CSMD1: variants seen among roughly 807,000 people sequenced by gnomAD.
CSMD1 encodes CUB and Sushi multiple domains 1, also known as CUB and sushi domain-containing protein 1.
A neutral mutation model predicts 417.5 loss-of-function variants in CSMD1; 213 were observed. That is an observed-to-expected ratio of 0.51 (90% CI 0.46 to 0.57). The LOEUF is 0.57. Among genes scored for constraint, CSMD1 ranks in the 20% least tolerant of loss-of-function variants. The probability of loss-of-function intolerance (pLI) is 0.00; values close to 1 mark genes in which losing one functional copy is unlikely to be tolerated. For missense variants in CSMD1, 6,923 were observed against 4,529.7 expected, an observed-to-expected ratio of 1.53 and a Z score of -15.17; for synonymous variants, 2,862 against 1,736.8, an observed-to-expected ratio of 1.65 and a Z score of -16.11.
At chr8:3,653,860 C>A (rs956993789) in intron 7 of CSMD1, among the ~76,000 whole-genome samples, 1 of 152,112 alleles carries the variant, frequency 6.6e-6, no homozygotes, top group African/African-American at 2.4e-5. Flanking sequence ...CATTTACATT[C>A]CCAGAAATGA....
intron 2 of CSMD1, among the ~76,000 whole-genome samples, chr8:4,507,234 T>C (rs1043673619): frequency 1.3e-5 from 2 of 152,212 alleles, no homozygotes; most frequent in Non-Finnish European, 2.9e-5. Flanking sequence ...TAGATACCCA[T>C]GCAAAAGTTA....
chr8:3,256,701 T>C (rs1473958464), intron 26 of CSMD1, among the ~76,000 whole-genome samples: 1 of 152,230 alleles, frequency 6.6e-6, no homozygotes, highest in Non-Finnish European at 1.5e-5. Flanking sequence ...CATATGCCTG[T>C]CAACACCCAG....
chr8:3,027,485 T>C (rs554548243), intron 51 of CSMD1, among the ~76,000 whole-genome samples: 4 of 152,214 alleles, frequency 2.6e-5, no homozygotes, highest in African/African-American at 7.2e-5. Flanking sequence ...CAACCTGAGC[T>C]ACAGATATTA....
At chr8:3,698,683 C>A (rs1461597787) in intron 7 of CSMD1, among the ~76,000 whole-genome samples, 1 of 152,090 alleles carries the variant, frequency 6.6e-6, no homozygotes, top group Admixed American at 6.6e-5. Flanking sequence ...GCCTGGTATT[C>A]CTTAATAATA....
At chr8:4,271,973 C>A (rs1335061026) in intron 3 of CSMD1, among the ~76,000 whole-genome samples, 1 of 152,068 alleles carries the variant, frequency 6.6e-6, no homozygotes, top group Non-Finnish European at 1.5e-5. Context: ...GTCAGCCCTC[C>A]CTATATAGAT....
At chr8:3,398,760 A>G (rs1041968980) in intron 16 of CSMD1, among the ~76,000 whole-genome samples, 1 of 152,212 alleles carries the variant, frequency 6.6e-6, no homozygotes, top group Non-Finnish European at 1.5e-5. Context: ...GTGTTGAGAG[A>G]AATGGGAAAA....
Position 3,200,068 on chromosome 8 carries a change from A to T in CSMD1, c.5099-259T>A, listed in dbSNP as rs187878762. ...TATGATTTCTTTTGAAGAAAGCACC[A>T]ATGGTAGGCCTATATAATAGAGTAG... On this transcript the variant is annotated intron_variant, in intron 32 of 69. Coordinates refer to ENST00000635120, the MANE Select transcript of CSMD1 (RefSeq NM_033225.6). Among the ~76,000 whole-genome samples the T allele has an allele frequency of 5.0e-3, 758 of 152,246 alleles. 3 individuals carry two copies. Among genetic ancestry groups the T allele is most frequent in the Non-Finnish European group, 8.6e-3 (582 of 68,012 alleles).
At chr8:3,269,548 G>A (rs1325561311) in intron 26 of CSMD1, among the ~76,000 whole-genome samples, 1 of 152,176 alleles carries the variant, frequency 6.6e-6, no homozygotes. Flanking sequence ...GTGTCATGTA[G>A]CTGTTACATT....
intron 1 of CSMD1, among the ~76,000 whole-genome samples, chr8:4,896,532 C>T (rs946717678): frequency 3.3e-5 from 5 of 152,102 alleles, no homozygotes; most frequent in African/African-American, 1.2e-4. Flanking sequence ...CTCTTTGCTT[C>T]ATGTCTTCAG....
chr8:2,985,005 T>C lies in CSMD1; in HGVS notation c.8378-6205A>G, dbSNP rs139630615. ...TGAATTTTAAGTTAACAGTTAACTC[T>C]GAACAGATACTGGAACAAATCAGAC... On this transcript the variant is annotated intron_variant, in intron 54 of 69. Coordinates refer to ENST00000635120, the MANE Select transcript of CSMD1 (RefSeq NM_033225.6). 3.7e-3 allele frequency among the ~76,000 whole-genome samples: 565 copies of C among 152,352 alleles called. 6 individuals carry two copies. The highest frequency in any genetic ancestry group is 0.013 in the African/African-American group (538 of 41,578).
intron 11 of CSMD1, among the ~76,000 whole-genome samples, chr8:3,487,637 C>CTA (rs1380762233): frequency 1.3e-5 from 2 of 152,280 alleles, no homozygotes; most frequent in Admixed American, 1.3e-4. Context: ...TAACGTTTAT[C>CTA]TACTTAGAAT....
intron 26 of CSMD1, among the ~76,000 whole-genome samples, chr8:3,243,008 A>C (rs566800342): frequency 6.6e-6 from 1 of 152,126 alleles, no homozygotes; most frequent in Admixed American, 6.6e-5. Flanking sequence ...CCAGCGCCGG[A>C]GTTTTGAGTC....
chr8:3,242,780 T>G (rs906479836), intron 26 of CSMD1, among the ~76,000 whole-genome samples: 2 of 150,568 alleles, frequency 1.3e-5, no homozygotes, highest in African/African-American at 4.9e-5. Flanking sequence ...TTTCTTACCC[T>G]CCAGACAAGC....
chr8:3,884,351 T>C (rs1806410451), intron 5 of CSMD1, among the ~76,000 whole-genome samples: 1 of 152,188 alleles, frequency 6.6e-6, no homozygotes, highest in African/African-American at 2.4e-5. Flanking sequence ...AATCAACTGA[T>C]TCCCTAGAGA....
chr8:4,933,532 G>A (rs943153958), intron 1 of CSMD1, among the ~76,000 whole-genome samples: 6 of 152,196 alleles, frequency 3.9e-5, no homozygotes, highest in Non-Finnish European at 5.9e-5. Flanking sequence ...AAGACAGAGA[G>A]AAAAATACTT....
chr8:3,602,492 T>A (rs1388282774), intron 8 of CSMD1, among the ~76,000 whole-genome samples: 1 of 152,172 alleles, frequency 6.6e-6, no homozygotes, highest in East Asian at 1.9e-4. Context: ...TGCTTTAATA[T>A]TGATCCTAAA....
At chr8:3,402,710 T>G (rs945454559) in intron 15 of CSMD1, among the ~76,000 whole-genome samples, 1 of 152,210 alleles carries the variant, frequency 6.6e-6, no homozygotes, top group African/African-American at 2.4e-5. Context: ...CATTTTTCTT[T>G]CCTAGTTCTT....
intron 20 of CSMD1, among the ~76,000 whole-genome samples, chr8:3,361,526 C>T (rs1356664118): frequency 1.3e-5 from 2 of 151,482 alleles, no homozygotes; most frequent in African/African-American, 2.4e-5. Context: ...GTGGTGCATG[C>T]CTGTAATCCC....
chr8:3,209,166 C>T (rs1029041658), intron 30 of CSMD1, among the ~76,000 whole-genome samples: 64 of 152,146 alleles, frequency 4.2e-4, no homozygotes, highest in Admixed American at 2.6e-3. Context: ...ATAAATAGTG[C>T]TTGTGCCTGT....
Sources: gnomAD v4.1 joint callset for allele counts (sites outside exome capture counted in the v4.1 genomes callset) on GRCh38, gnomAD v4.1.1 for gene constraint, MANE v1.5 for transcripts, NCBI Gene and HGNC (gene_info 2026-07-23, HGNC 2026-07-21) for gene names.